Variants in ADAMTS14 observed in about 807,000 individuals in gnomAD.
The protein encoded by ADAMTS14 is A disintegrin and metalloproteinase with thrombospondin motifs 14.
A neutral mutation model predicts 128.6 loss-of-function variants in ADAMTS14; 100 were observed. That is an observed-to-expected ratio of 0.78 (90% CI 0.66 to 0.92). The LOEUF (loss-of-function observed/expected upper bound fraction) is 0.92, where lower values mean the gene tolerates loss of function less well. Ranked by LOEUF, ADAMTS14 falls within the 40% of genes least tolerant of loss-of-function variation. The pLI, the probability that ADAMTS14 is intolerant of heterozygous loss-of-function variation, is 0.00. For missense variants in ADAMTS14, 1,562 were observed against 1,658.6 expected (o/e 0.94, Z 1.01); for synonymous variants, 665 against 653.8 (o/e 1.02, Z -0.26).
chr10:70,678,387 G>A (rs1367383609), intron 2 of ADAMTS14, among the ~76,000 whole-genome samples: 2 of 152,122 alleles, frequency 1.3e-5, no homozygotes, highest in African/African-American at 4.8e-5. Flanking sequence ...GGGGATGGGT[G>A]CTCAGTAAAT....
rs372385257 is a variant in ADAMTS14 at position 70,725,872 on chromosome 10, C to T, written c.871-3422C>T. On this transcript the variant is annotated intron_variant, in intron 4 of 21. Coordinates refer to ENST00000373207, the MANE Select transcript of ADAMTS14 (RefSeq NM_080722.4). ...CCCCTCTCCTTTTAAGGGCCCACAA[C>T]CTTCTTGGTCCAGGGATCGTTCCAG... 1.2e-3 allele frequency among the ~76,000 whole-genome samples: 185 copies of T among 152,234 alleles called. 1 individual carries two copies. Among genetic ancestry groups the T allele is most frequent in the African/African-American group, 4.2e-3 (173 of 41,538 alleles).
intron 19 of ADAMTS14, among the ~76,000 whole-genome samples, chr10:70,756,178 G>A (rs561412435): frequency 3.0e-4 from 46 of 152,200 alleles, no homozygotes; most frequent in Non-Finnish European, 5.1e-4. Flanking sequence ...ATGTTTAGAG[G>A]GACACAACAC....
At chr10:70,683,221 A>G (rs1269344985) in intron 2 of ADAMTS14, among the ~76,000 whole-genome samples, 1 of 152,156 alleles carries the variant, frequency 6.6e-6, no homozygotes, top group Non-Finnish European at 1.5e-5. Flanking sequence ...CCCCGCCCTC[A>G]GCACTCCCTT....
chr10:70,727,247 C>T (rs1389374610), intron 4 of ADAMTS14, among the ~76,000 whole-genome samples: 4 of 152,232 alleles, frequency 2.6e-5, no homozygotes, highest in East Asian at 1.9e-4. Context: ...GCCAGCAAAG[C>T]GTACATCTCC....
Position 70,760,967 on chromosome 10 carries a change from A to C in ADAMTS14, c.*114A>C. ...GCAAGCACAGACTTCATTTTAAATC[A>C]TTCGCCTTCTTCTCGTTTGGGGCTG... On this transcript the variant is annotated 3_prime_UTR_variant, in exon 22 of 22. Coordinates refer to ENST00000373207, the MANE Select transcript of ADAMTS14 (RefSeq NM_080722.4). 7.3e-7 allele frequency: 1 copy of C among 1,368,674 alleles called. No individual in the cohort carries two copies. The highest frequency in any genetic ancestry group is 9.6e-7 in the Non-Finnish European group (1 of 1,042,878). The allele number at this position is 1,368,674 out of a possible 1,614,324, so 84.8% of individuals were successfully genotyped here.
chr10:70,698,888 G>C (rs1840412181), intron 2 of ADAMTS14, among the ~76,000 whole-genome samples: 1 of 152,176 alleles, frequency 6.6e-6, no homozygotes, highest in Non-Finnish European at 1.5e-5. Context: ...GCTGAGAACA[G>C]TGAGGGTGTG....
At chr10:70,702,614 G>T in intron 3 of ADAMTS14, 146 bp downstream of exon 3, 5 of 1,116,442 alleles carry the variant, frequency 4.5e-6, no homozygotes, top group Non-Finnish European at 6.2e-6. Context: ...TGCTGTACTG[G>T]CAGAGAAACC....
intron 4 of ADAMTS14, among the ~76,000 whole-genome samples, chr10:70,715,402 G>T (rs1257063327): frequency 1.3e-5 from 2 of 152,086 alleles, no homozygotes; most frequent in Non-Finnish European, 2.9e-5. Flanking sequence ...CTTGGTGAGG[G>T]GCTCCACATG....
intron 2 of ADAMTS14, among the ~76,000 whole-genome samples, chr10:70,675,436 C>T (rs1400516521): frequency 6.6e-6 from 1 of 152,288 alleles, no homozygotes; most frequent in East Asian, 1.9e-4. Flanking sequence ...AGCTGACCCG[C>T]GAGTGTTAAT....
At chr10:70,705,609 A>G (rs937662752) in intron 3 of ADAMTS14, among the ~76,000 whole-genome samples, 2 of 152,262 alleles carry the variant, frequency 1.3e-5, no homozygotes, top group Middle Eastern at 3.2e-3. Context: ...CCTGCCGTCC[A>G]ACGCCCCCTG....
At chr10:70,733,762 C>T (rs1841725509) in intron 7 of ADAMTS14, 123 bp from the exon 8 acceptor site, 2 of 1,283,606 alleles carry the variant, frequency 1.6e-6, no homozygotes, top group Non-Finnish European at 2.1e-6. Context: ...AAACTGAGGC[C>T]AGGAAGAGCG....
In ADAMTS14 at chr10:70,756,986, C is replaced by T. The variant is rs568652482; in HGVS notation, c.2938-976C>T. 3.9e-5 allele frequency among the ~76,000 whole-genome samples: 6 copies of T among 151,926 alleles called. No homozygotes were observed. In the South Asian group the frequency reaches 1.0e-3, roughly 26 times the overall value. Reference sequence around the variant, plus strand: ...AATGATTCATCCTGGGAGGATATGCCGTGTTTGTCTCGTAGTTCTGTGTGG... The same window carrying T: ...AATGATTCATCCTGGGAGGATATGCTGTGTTTGTCTCGTAGTTCTGTGTGG... On this transcript the variant is annotated intron_variant, in intron 19 of 21. Transcript: ENST00000373207.
At chr10:70,723,077 G>A (rs568621650) in intron 4 of ADAMTS14, among the ~76,000 whole-genome samples, 5 of 152,330 alleles carry the variant, frequency 3.3e-5, no homozygotes, top group African/African-American at 9.6e-5. Context: ...CTGGTATCAT[G>A]CACCCTTGAC....
chr10:70,739,063 A>C, intron 11 of ADAMTS14, 73 bp downstream of exon 11: 1 of 1,514,594 alleles, frequency 6.6e-7, no homozygotes, highest in Non-Finnish European at 8.8e-7. Flanking sequence ...AGGGGAAGGC[A>C]CTGGGGAGAC....
At chr10:70,726,496 TG>T (rs1465007996) in intron 4 of ADAMTS14, among the ~76,000 whole-genome samples, 3 of 152,144 alleles carry the variant, frequency 2.0e-5, no homozygotes, top group African/African-American at 7.2e-5. Flanking sequence ...GGATAACTGA[TG>T]GGTTTACATG....
At chr10:70,730,948 C>T (rs1841616221) in intron 6 of ADAMTS14, among the ~76,000 whole-genome samples, 1 of 152,104 alleles carries the variant, frequency 6.6e-6, no homozygotes, top group East Asian at 1.9e-4. Context: ...TCTCCAGGTT[C>T]CATGTTGAAG....
chr10:70,706,364 G>A (rs1165723764), intron 3 of ADAMTS14, among the ~76,000 whole-genome samples: 2 of 152,244 alleles, frequency 1.3e-5, no homozygotes, highest in African/African-American at 2.4e-5. Context: ...GCCTGGCAGG[G>A]AGGGCTCTGA....
At chr10:70,742,896 A>C (rs1842046178) in intron 12 of ADAMTS14, among the ~76,000 whole-genome samples, 1 of 152,232 alleles carries the variant, frequency 6.6e-6, no homozygotes, top group Admixed American at 6.5e-5. Flanking sequence ...CCATTTTGCA[A>C]ACCCAGATAC....
chr10:70,675,422 C>T (rs1046508259), intron 2 of ADAMTS14, among the ~76,000 whole-genome samples: 2 of 152,220 alleles, frequency 1.3e-5, no homozygotes, highest in African/African-American at 4.8e-5. Context: ...TTCTGCTCTC[C>T]TGGAGCTGAC....
Sources: allele counts gnomAD v4.1 joint callset (sites outside exome capture counted in the v4.1 genomes callset), GRCh38; gene constraint gnomAD v4.1.1; transcripts MANE v1.5; gene names NCBI Gene and HGNC (gene_info 2026-07-23, HGNC 2026-07-21).